Variants in NT5C2 observed in about 807,000 individuals in gnomAD.
The protein encoded by NT5C2 is 5'-nucleotidase, cytosolic II.
In NT5C2, 58 loss-of-function variants were observed where a neutral mutation model predicts 76.1. The observed-to-expected ratio is 0.76, with a 90% confidence interval of 0.62 to 0.95. NT5C2 has a LOEUF of 0.95. Among genes scored for constraint, NT5C2 ranks in the 40% least tolerant of loss-of-function variants. The pLI, the probability that NT5C2 is intolerant of heterozygous loss-of-function variation, is 0.00. For synonymous variants in NT5C2, 229 were observed against 237.4 expected (o/e 0.96, Z 0.32); for missense variants, 478 against 690.3 (o/e 0.69, Z 3.45).
intron 3 of NT5C2, among the ~76,000 whole-genome samples, chr10:103,144,522 A>G (rs1330845038): frequency 6.6e-6 from 1 of 152,230 alleles, no homozygotes; most frequent in Non-Finnish European, 1.5e-5. Context: ...TCATGAAAAT[A>G]TATCAAATCA....
chr10:103,115,228 C>T (rs1218415980), intron 4 of NT5C2, among the ~76,000 whole-genome samples: 1 of 152,170 alleles, frequency 6.6e-6, no homozygotes, highest in African/African-American at 2.4e-5. Flanking sequence ...CAGTGAAACC[C>T]CGTCTCTACT....
intron 3 of NT5C2, among the ~76,000 whole-genome samples, chr10:103,155,753 A>G (rs1407680631): frequency 6.6e-6 from 1 of 152,206 alleles, no homozygotes; most frequent in Non-Finnish European, 1.5e-5. Flanking sequence ...ACTGCTCAAC[A>G]CAAAAGTGGA....
chr10:103,093,345 C>G, intron 14 of NT5C2, 36 bp from the exon 15 acceptor site: 1 of 1,493,712 alleles, frequency 6.7e-7, no homozygotes, highest in Non-Finnish European at 8.9e-7. Flanking sequence ...AAAACTGTCC[C>G]TATATTAAAA....
intron 3 of NT5C2, among the ~76,000 whole-genome samples, chr10:103,159,234 C>A (rs1044101164): frequency 1.4e-5 from 2 of 143,478 alleles, no homozygotes; most frequent in African/African-American, 5.3e-5. Context: ...CAGAGTGAGA[C>A]CTCATCTCCA....
chr10:103,090,525 A>G (rs1250889505), intron 18 of NT5C2, 86 bp downstream of exon 18: 2 of 1,230,626 alleles, frequency 1.6e-6, no homozygotes, highest in Non-Finnish European at 2.3e-6. Context: ...GAAATGTTCA[A>G]ACTATCTCCT....
chr10:103,101,514 A>ATTT, intron 6 of NT5C2, among the ~76,000 whole-genome samples, 188 bp from the exon 7 acceptor site: 1 of 143,702 alleles, frequency 7.0e-6, no homozygotes, highest in African/African-American at 2.6e-5. Flanking sequence ...TTTAATTTTA[A>ATTT]TTTTTTTTTT....
intron 3 of NT5C2, among the ~76,000 whole-genome samples, chr10:103,171,025 T>C (rs2087845305): frequency 1.3e-5 from 2 of 152,134 alleles, no homozygotes; most frequent in Non-Finnish European, 1.5e-5. Context: ...TAGACACACA[T>C]AAATGTTCTG....
intron 3 of NT5C2, among the ~76,000 whole-genome samples, chr10:103,173,480 G>C (rs1395414858): frequency 5.9e-5 from 9 of 151,678 alleles, no homozygotes; most frequent in Admixed American, 5.3e-4. Flanking sequence ...AGCTGGGCAT[G>C]GTGGCGGGCA....
intron 2 of NT5C2, among the ~76,000 whole-genome samples, chr10:103,180,033 T>C (rs1431121891): frequency 4.6e-5 from 7 of 152,140 alleles, no homozygotes; most frequent in Non-Finnish European, 1.0e-4. Context: ...ATCCAGAATA[T>C]AGGAAGAGCT....
chr10:103,117,445 A>T (rs2074604717), intron 4 of NT5C2, among the ~76,000 whole-genome samples: 1 of 152,212 alleles, frequency 6.6e-6, no homozygotes, highest in Non-Finnish European at 1.5e-5. Flanking sequence ...CCAGCAGTTC[A>T]AGATCCAACT....
intron 3 of NT5C2, among the ~76,000 whole-genome samples, chr10:103,149,215 T>C (rs572862879): frequency 6.6e-5 from 10 of 152,302 alleles, no homozygotes; most frequent in East Asian, 1.9e-4. Flanking sequence ...AGGTGGTATA[T>C]TGCCAGATAT....
At chr10:103,116,081 C>G (rs1472659677) in intron 4 of NT5C2, among the ~76,000 whole-genome samples, 1 of 151,986 alleles carries the variant, frequency 6.6e-6, no homozygotes, top group Admixed American at 6.6e-5. Flanking sequence ...TATAATATCT[C>G]AAATGGAAAT....
chr10:103,140,938 C>G (rs1386850906), intron 3 of NT5C2, among the ~76,000 whole-genome samples: 2 of 152,158 alleles, frequency 1.3e-5, no homozygotes, highest in Non-Finnish European at 2.9e-5. Context: ...TTAACAGATA[C>G]ATGGTTCGCA....
At chr10:103,133,070 T>C (rs867422596) in intron 4 of NT5C2, among the ~76,000 whole-genome samples, 3 of 152,308 alleles carry the variant, frequency 2.0e-5, no homozygotes, top group South Asian at 2.1e-4. Flanking sequence ...TGGGAAGTAA[T>C]TGAATCACAG....
At chr10:103,159,597 T>C (rs865776221) in intron 3 of NT5C2, among the ~76,000 whole-genome samples, 9 of 151,062 alleles carry the variant, frequency 6.0e-5, no homozygotes, top group African/African-American at 2.2e-4. Context: ...TACAGTGAGC[T>C]ATGATCATGT....
chr10:103,089,997 C>T, intron 18 of NT5C2, 89 bp from the exon 19 acceptor site: 1 of 952,272 alleles, frequency 1.1e-6, no homozygotes, highest in Admixed American at 2.9e-5. Flanking sequence ...GTTAGGTGGC[C>T]ATGCAATTAC....
At chr10:103,150,285 G>C (rs2082179544) in intron 3 of NT5C2, among the ~76,000 whole-genome samples, 1 of 152,104 alleles carries the variant, frequency 6.6e-6, no homozygotes, top group Non-Finnish European at 1.5e-5. Context: ...CATATAAATG[G>C]AATCAAGTAT....
At chr10:103,142,019 G>A (rs189483563) in intron 3 of NT5C2, among the ~76,000 whole-genome samples, 3 of 152,252 alleles carry the variant, frequency 2.0e-5, no homozygotes, top group Admixed American at 1.3e-4. Flanking sequence ...GAAAGGCAAC[G>A]CAGGCAAAAT....
chr10:103,119,763 G>A (rs1053328787), intron 4 of NT5C2, among the ~76,000 whole-genome samples: 1 of 151,902 alleles, frequency 6.6e-6, no homozygotes, highest in African/African-American at 2.4e-5. Context: ...AAGAAGAAAT[G>A]CTAAAGCACA....
Sources: allele counts gnomAD v4.1 joint callset (sites outside exome capture counted in the v4.1 genomes callset), GRCh38; gene constraint gnomAD v4.1.1; transcripts MANE v1.5; gene names NCBI Gene and HGNC (gene_info 2026-07-23, HGNC 2026-07-21).